CIROZ: variants seen among roughly 807,000 people sequenced by gnomAD.
CIROZ encodes the protein ciliated left-right organizer ZP-N domains-containing protein.
At chr1:10,967,961 GA>G in the CIROZ span, among the ~76,000 whole-genome samples, 3 of 152,144 alleles carry the variant, frequency 2.0e-5, no homozygotes, top group African/African-American at 7.2e-5. Flanking sequence ...GCAACAAAGT[GA>G]GACTCTGTCT....
chr1:10,948,976 A>G, the CIROZ span: 13 of 854,580 alleles, frequency 1.5e-5, no homozygotes, highest in Non-Finnish European at 2.0e-5. Flanking sequence ...TGTAATCCCA[A>G]CACAATAGGA....
the CIROZ span, among the ~76,000 whole-genome samples, chr1:10,951,998 T>C: frequency 1.3e-5 from 2 of 152,094 alleles, no homozygotes; most frequent in Admixed American, 1.3e-4. Context: ...AAAAATATTA[T>C]CTGTGTAAAA....
the CIROZ span, chr1:10,976,272 G>A: frequency 6.6e-7 from 1 of 1,516,934 alleles, no homozygotes; most frequent in Non-Finnish European, 8.9e-7. Context: ...GGAGAGGAGG[G>A]AAGGGGGTGG....
chr1:10,958,875 C>T, the CIROZ span: 5 of 928,790 alleles, frequency 5.4e-6, no homozygotes, highest in Admixed American at 2.3e-5. Context: ...AGAGCTGTGC[C>T]GCAGGGTTGT....
At chr1:10,969,717 G>A in the CIROZ span, among the ~76,000 whole-genome samples, 1 of 152,232 alleles carries the variant, frequency 6.6e-6, no homozygotes, top group Non-Finnish European at 1.5e-5. Flanking sequence ...GTTGGGAAGA[G>A]GGGCGCAGAT....
the CIROZ span, chr1:10,956,874 C>A: frequency 4.5e-6 from 3 of 667,874 alleles, no homozygotes; most frequent in East Asian, 3.0e-5. Context: ...TTGTCCCGAG[C>A]ATTTCTGAAA....
At chr1:10,968,836 A>G in the CIROZ span, among the ~76,000 whole-genome samples, 1 of 152,178 alleles carries the variant, frequency 6.6e-6, no homozygotes, top group African/African-American at 2.4e-5. Flanking sequence ...TACGCTTAAA[A>G]CTTCTTTATA....
the CIROZ span, chr1:10,957,881 A>T: frequency 3.6e-6 from 4 of 1,112,882 alleles, no homozygotes; most frequent in Non-Finnish European, 5.1e-6. Context: ...AATCTAGGCC[A>T]GGAGGCAGGA....
the CIROZ span, among the ~76,000 whole-genome samples, chr1:10,972,457 A>ACG: frequency 9.1e-4 from 137 of 150,502 alleles, no homozygotes; most frequent in Middle Eastern, 6.8e-3. Context: ...ACACACACAC[A>ACG]CACACACACT....
chr1:10,977,212 T>C, the CIROZ span, among the ~76,000 whole-genome samples: 3 of 151,638 alleles, frequency 2.0e-5, no homozygotes, highest in African/African-American at 7.3e-5. Context: ...TTTTAAATGA[T>C]GAATCTCGTG....
chr1:10,955,272 G>A, the CIROZ span: 1 of 1,294,448 alleles, frequency 7.7e-7, no homozygotes, highest in South Asian at 1.5e-5. Flanking sequence ...CTTTGCCAGG[G>A]GCCACACCTG....
the CIROZ span, among the ~76,000 whole-genome samples, chr1:10,972,954 A>T: frequency 1.6e-5 from 2 of 123,030 alleles, no homozygotes; most frequent in Non-Finnish European, 3.0e-5. Context: ...AATTTAAAAT[A>T]AAAAAAAAAA....
the CIROZ span, among the ~76,000 whole-genome samples, chr1:10,967,580 T>G: frequency 3.3e-5 from 5 of 152,240 alleles, no homozygotes; most frequent in African/African-American, 1.2e-4. Context: ...TAGTCAAATG[T>G]CAGCTCCATG....
At chr1:10,951,745 A>AAAAT in the CIROZ span, among the ~76,000 whole-genome samples, 151 of 119,182 alleles carry the variant, frequency 1.3e-3, 1 homozygote, top group East Asian at 7.6e-3. Flanking sequence ...AAAAAAAAAA[A>AAAAT]ATATATATAT....
the CIROZ span, among the ~76,000 whole-genome samples, chr1:10,981,215 G>A: frequency 1.2e-4 from 18 of 152,192 alleles, no homozygotes; most frequent in Non-Finnish European, 2.1e-4. Context: ...TTGGGAGGCC[G>A]AGACAGGAGG....
At chr1:10,953,923 A>T in the CIROZ span, 2 of 1,474,094 alleles carry the variant, frequency 1.4e-6, no homozygotes, top group Admixed American at 2.3e-5. Context: ...GGAGTGAAAC[A>T]TTGTCACAGA....
the CIROZ span, among the ~76,000 whole-genome samples, chr1:10,967,823 A>C: frequency 6.6e-6 from 1 of 152,116 alleles, no homozygotes; most frequent in Non-Finnish European, 1.5e-5. Context: ...AATACAAAAA[A>C]ATTAGCTGGG....
chr1:10,947,562 C>T, the CIROZ span: 1 of 1,050,416 alleles, frequency 9.5e-7, no homozygotes. Flanking sequence ...AAAGACGGCC[C>T]CCAGCCCCCA....
At chr1:10,947,660 G>A in the CIROZ span, 1 of 1,486,584 alleles carries the variant, frequency 6.7e-7, no homozygotes, top group Non-Finnish European at 9.0e-7. Context: ...TCTCCATGGA[G>A]GCTCAGCGTG....
Sources: allele counts gnomAD v4.1 joint callset (sites outside exome capture counted in the v4.1 genomes callset), GRCh38; gene constraint gnomAD v4.1.1; transcripts MANE v1.5; gene names NCBI Gene and HGNC (gene_info 2026-07-23, HGNC 2026-07-21).